Variants in ADAM17 observed in about 807,000 individuals in gnomAD.
The protein encoded by ADAM17 is ADAM metallopeptidase domain 17, also known as disintegrin and metalloproteinase domain-containing protein 17.
In ADAM17, 39 loss-of-function variants were observed where a neutral mutation model predicts 96.7. That is an observed-to-expected ratio of 0.40 (90% CI 0.31 to 0.53). The LOEUF (loss-of-function observed/expected upper bound fraction) is 0.53, where lower values mean the gene tolerates loss of function less well. Ranked by LOEUF, ADAM17 falls within the 20% of genes least tolerant of loss-of-function variation. The pLI, the probability that ADAM17 is intolerant of heterozygous loss-of-function variation, is 0.44. For missense variants in ADAM17, 777 were observed against 1,013.2 expected (o/e 0.77, Z 3.17); for synonymous variants, 344 against 359.2 (o/e 0.96, Z 0.48).
intron 1 of ADAM17, among the ~76,000 whole-genome samples, chr2:9,554,521 A>G (rs1665682600): frequency 6.6e-6 from 1 of 152,216 alleles, no homozygotes; most frequent in Non-Finnish European, 1.5e-5. Flanking sequence ...TCCACTAAAT[A>G]TAAAGAAAAA....
At chr2:9,492,844 G>A in intron 17 of ADAM17, 54 bp downstream of exon 17, 1 of 1,456,312 alleles carries the variant, frequency 6.9e-7, no homozygotes, top group South Asian at 1.3e-5. Context: ...TACATGGTTG[G>A]AGTTGATCAA....
rs58496257 is a variant in ADAM17 at position 9,526,396 on chromosome 2, G to A, written c.620-152C>T. Reference sequence around the variant, plus strand: ...GAACAACAACAAAAAATAATTTGGAGGAAGACAGAAAAGTGAAAAGTAACA... The same window carrying A: ...GAACAACAACAAAAAATAATTTGGAAGAAGACAGAAAAGTGAAAAGTAACA... On this transcript the variant is annotated intron_variant, in intron 5 of 18. Coordinates refer to ENST00000310823, the MANE Select transcript of ADAM17 (RefSeq NM_003183.6). The A allele has an allele frequency of 0.018, 14,297 of 809,352 alleles. 1,538 individuals carry two copies. In the African/African-American group the frequency reaches 0.22, roughly 13 times the overall value. The allele number at this position is 809,352 out of a possible 1,614,324, so 50.1% of individuals were successfully genotyped here.
chr2:9,512,582 T>C (rs182114013), intron 10 of ADAM17, among the ~76,000 whole-genome samples: 2 of 152,310 alleles, frequency 1.3e-5, no homozygotes, highest in Admixed American at 1.3e-4. Flanking sequence ...GGCAAGACTC[T>C]AATCTGATTG....
At chr2:9,531,341 G>A (rs1558519112) in intron 4 of ADAM17, among the ~76,000 whole-genome samples, 1 of 151,182 alleles carries the variant, frequency 6.6e-6, no homozygotes, top group Non-Finnish European at 1.5e-5. Context: ...GCCGAGGTGG[G>A]CAGATCACAA....
chr2:9,499,727 T>C (rs973540341), intron 13 of ADAM17, among the ~76,000 whole-genome samples: 4 of 152,126 alleles, frequency 2.6e-5, no homozygotes, highest in Admixed American at 2.0e-4. Context: ...TTTGGCAAAG[T>C]AATGTGATAG....
chr2:9,534,623 T>A (rs969644808), intron 4 of ADAM17, among the ~76,000 whole-genome samples: 2 of 152,134 alleles, frequency 1.3e-5, no homozygotes, highest in Admixed American at 6.6e-5. Flanking sequence ...ACGAAAAATG[T>A]GTGAAGACAA....
At chr2:9,519,972 T>TG (rs1445821924) in intron 8 of ADAM17, among the ~76,000 whole-genome samples, 1 of 152,208 alleles carries the variant, frequency 6.6e-6, no homozygotes, top group African/African-American at 2.4e-5. Flanking sequence ...CCTCTCAGGG[T>TG]GCTCAGCAGA....
intron 4 of ADAM17, among the ~76,000 whole-genome samples, 194 bp downstream of exon 4, chr2:9,535,640 T>C (rs1022419687): frequency 6.6e-6 from 1 of 152,232 alleles, no homozygotes; most frequent in African/African-American, 2.4e-5. Context: ...TTATGGTACT[T>C]AGAAATACAG....
intron 10 of ADAM17, among the ~76,000 whole-genome samples, chr2:9,515,462 C>T (rs1468775266): frequency 1.3e-5 from 2 of 152,038 alleles, no homozygotes; most frequent in African/African-American, 4.8e-5. Context: ...TATGGCTGGG[C>T]GTAGTGGCTC....
At chr2:9,511,538 A>C (rs1663741773) in intron 10 of ADAM17, among the ~76,000 whole-genome samples, 1 of 152,180 alleles carries the variant, frequency 6.6e-6, no homozygotes, top group South Asian at 2.1e-4. Flanking sequence ...AACAATCTTA[A>C]TGACCTAGAG....
chr2:9,518,896 T>TG lies in ADAM17; in HGVS notation c.958-650dup, dbSNP rs36121123. 2.4e-3 allele frequency among the ~76,000 whole-genome samples: 350 copies of TG among 146,434 alleles called. 4 individuals carry two copies. In the East Asian group the frequency reaches 0.035, roughly 15 times the overall value. On this transcript the variant is annotated intron_variant, in intron 8 of 18. Transcript: ENST00000310823. ...CTCCAAGTTTAAAAAAACCTTAATT[T>TG]GGGGGGGGGGTTTGATTTATTTTGC...
chr2:9,549,360 G>A (rs1186463539), intron 1 of ADAM17, among the ~76,000 whole-genome samples: 2 of 152,144 alleles, frequency 1.3e-5, no homozygotes, highest in African/African-American at 4.8e-5. Flanking sequence ...AGGTGATAGA[G>A]TGAGACTCCA....
intron 10 of ADAM17, among the ~76,000 whole-genome samples, chr2:9,514,478 C>T (rs1173295036): frequency 3.7e-5 from 5 of 134,534 alleles, no homozygotes; most frequent in Non-Finnish European, 6.3e-5. Context: ...CAAACCTGCA[C>T]GTTGTGCACA....
At chr2:9,549,380 C>T (rs1665514263) in intron 1 of ADAM17, among the ~76,000 whole-genome samples, 1 of 152,008 alleles carries the variant, frequency 6.6e-6, no homozygotes, top group Non-Finnish European at 1.5e-5. Context: ...ATCTCAAAAA[C>T]AAACAAACAA....
chr2:9,494,718 A>G lies in ADAM17; in HGVS notation c.1833T>C (p.Cys611=), dbSNP rs200055210. The change falls in exon 15 of 19, where the codon TGT becomes TGC. Residue 611 remains cysteine, a synonymous_variant. Coordinates refer to ENST00000310823, the MANE Select transcript of ADAM17 (RefSeq NM_003183.6). ...TTTGTTCAGCATCGACATAGGGCAC[A>G]CAGCGGCCAGAAAGGTCCCTGCAGC... ...KVCCRDLSGR[C]VPYVDAEQKN... 118 of 1,614,154 alleles carry G rather than the reference A, an allele frequency of 7.3e-5. 1 individual carries two copies. The East Asian group carries it at 2.6e-3, about 36-fold the overall frequency.
chr2:9,504,399 C>G (rs1022274751), intron 12 of ADAM17, among the ~76,000 whole-genome samples: 6 of 151,820 alleles, frequency 4.0e-5, no homozygotes, highest in Non-Finnish European at 7.4e-5. Context: ...GCGCTGAGAT[C>G]GCGCCACTGC....
intron 2 of ADAM17, among the ~76,000 whole-genome samples, chr2:9,537,903 AGGAGAG>A (rs1368936634): frequency 1.3e-3 from 54 of 40,324 alleles, no homozygotes; most frequent in Non-Finnish European, 1.9e-3. Flanking sequence ...AGGGGAGGGG[AGGAGAG>A]GGGGAGGAGA....
Position 9,497,057 on chromosome 2 carries a change from C to T in ADAM17, c.1783+57G>A, listed in dbSNP as rs1302843662. On this transcript the variant is annotated intron_variant, in intron 14 of 18. Coordinates refer to ENST00000310823, the MANE Select transcript of ADAM17 (RefSeq NM_003183.6). ...CAACCTCCAAATGGAGGAAGGGAGC[C>T]TGGCAGACAAAGGCCATGTTTTCTC... 3.8e-6 allele frequency: 6 copies of T among 1,587,564 alleles called. No homozygotes were observed. The African/African-American group carries it at 8.1e-5, about 21-fold the overall frequency.
chr2:9,553,803 C>G (rs2125048359), intron 1 of ADAM17, among the ~76,000 whole-genome samples: 1 of 152,288 alleles, frequency 6.6e-6, no homozygotes. Flanking sequence ...GTGGTTCATG[C>G]CTGTAATCCC....
Sources: gnomAD v4.1 joint callset for allele counts (sites outside exome capture counted in the v4.1 genomes callset) on GRCh38, gnomAD v4.1.1 for gene constraint, MANE v1.5 for transcripts, NCBI Gene and HGNC (gene_info 2026-07-23, HGNC 2026-07-21) for gene names.